The following PARD3 variants were observed in gnomAD, a reference collection of about 807,000 sequenced individuals.
The protein encoded by PARD3 is partitioning defective 3 homolog.
In PARD3, 75 loss-of-function variants were observed where a neutral mutation model predicts 155.4. That is an observed-to-expected ratio of 0.48 (90% confidence interval 0.40 to 0.58). The LOEUF (loss-of-function observed/expected upper bound fraction) is 0.58, where lower values mean the gene tolerates loss of function less well. Among genes scored for constraint, PARD3 ranks in the 20% least tolerant of loss-of-function variants. The probability of loss-of-function intolerance (pLI) is 0.00; values close to 1 mark genes in which losing one functional copy is unlikely to be tolerated. For synonymous variants in PARD3, 576 were observed against 610.5 expected, an observed-to-expected ratio of 0.94 and a Z score of 0.83; for missense variants, 1,642 against 1,721.7, an observed-to-expected ratio of 0.95 and a Z score of 0.82.
intron 22 of PARD3, among the ~76,000 whole-genome samples, chr10:34,241,818 C>T (rs1953615830): frequency 6.6e-6 from 1 of 152,136 alleles, no homozygotes; most frequent in Non-Finnish European, 1.5e-5. Flanking sequence ...AGCATTCTTA[C>T]CAGGTTCTAA....
intron 2 of PARD3, among the ~76,000 whole-genome samples, chr10:34,633,978 T>C (rs2092376276): frequency 6.6e-6 from 1 of 152,208 alleles, no homozygotes; most frequent in African/African-American, 2.4e-5. Context: ...CCCTATTCCA[T>C]ACTCAACTAC....
At chr10:34,564,680 ATGCAACATACAGATCCTTTATTG>A (rs1182658601) in intron 2 of PARD3, among the ~76,000 whole-genome samples, 1 of 152,240 alleles carries the variant, frequency 6.6e-6, no homozygotes, top group Non-Finnish European at 1.5e-5. Context: ...TTTTGTGATT[ATGCAACATACAGATCCTTTATTG>A]TTTAAATCTC....
At chr10:34,500,583 A>G (rs548802518) in intron 3 of PARD3, among the ~76,000 whole-genome samples, 4 of 152,226 alleles carry the variant, frequency 2.6e-5, no homozygotes, top group African/African-American at 9.6e-5. Flanking sequence ...CTCTACAAAA[A>G]TACAAAAATT....
At chr10:34,744,718 A>G (rs1305805848) in intron 1 of PARD3, among the ~76,000 whole-genome samples, 1 of 152,284 alleles carries the variant, frequency 6.6e-6, no homozygotes, top group Non-Finnish European at 1.5e-5. Context: ...AAATCTCAGT[A>G]GTCAAGAGAA....
rs1441109047 is a variant in PARD3, at chr10:34,369,636, C to G, written c.1707+2862G>C. On this transcript the variant is annotated intron_variant, in intron 12 of 24. Transcript: ENST00000374788. ...TGTATAAATCACATATAGTTCCTGA[C>G]AGAAGTAATATATCTCCTGCAGGAA... Among the ~76,000 whole-genome samples the G allele has an allele frequency of 2.0e-5, 3 of 152,084 alleles. No homozygotes were observed. In the East Asian group the frequency reaches 5.8e-4, roughly 29 times the overall value.
intron 2 of PARD3, among the ~76,000 whole-genome samples, chr10:34,585,625 G>A (rs562057975): frequency 5.3e-5 from 8 of 150,332 alleles, no homozygotes; most frequent in Admixed American, 3.3e-4. Context: ...TGTGGTGTGC[G>A]GGTGTCATTT....
chr10:34,477,871 T>C (rs2078815675), intron 3 of PARD3, among the ~76,000 whole-genome samples: 2 of 152,198 alleles, frequency 1.3e-5, no homozygotes, highest in South Asian at 2.1e-4. Context: ...GAAAACTGTC[T>C]CTCTCCCATC....
intron 22 of PARD3, among the ~76,000 whole-genome samples, chr10:34,214,341 T>G (rs1951898404): frequency 6.6e-6 from 1 of 152,242 alleles, no homozygotes; most frequent in African/African-American, 2.4e-5. Context: ...AGTCTGGCTA[T>G]ACATGTGATT....
intron 2 of PARD3, among the ~76,000 whole-genome samples, chr10:34,612,047 C>T (rs1043326298): frequency 6.6e-6 from 1 of 151,060 alleles, no homozygotes; most frequent in Admixed American, 6.6e-5. Flanking sequence ...AGGATGGTCT[C>T]GATCCCCTCA....
chr10:34,561,391 C>T (rs928874881), intron 2 of PARD3, among the ~76,000 whole-genome samples: 3 of 152,196 alleles, frequency 2.0e-5, no homozygotes, highest in African/African-American at 7.2e-5. Flanking sequence ...TTTGTCAGTT[C>T]CAGTTTCCAT....
intron 1 of PARD3, among the ~76,000 whole-genome samples, chr10:34,786,422 T>C (rs1840970848): frequency 6.6e-6 from 1 of 152,160 alleles, no homozygotes; most frequent in Admixed American, 6.5e-5. Flanking sequence ...TATATCCCAC[T>C]AGATGTTAAA....
intron 20 of PARD3, among the ~76,000 whole-genome samples, chr10:34,289,873 G>C (rs186932016): frequency 5.3e-5 from 8 of 152,252 alleles, no homozygotes; most frequent in South Asian, 2.1e-4. Flanking sequence ...AACAATGATG[G>C]ACAAAACCTG....
At chr10:34,209,399 CA>C (rs1274806102) in intron 22 of PARD3, among the ~76,000 whole-genome samples, 7 of 152,162 alleles carry the variant, frequency 4.6e-5, no homozygotes, top group African/African-American at 1.2e-4. Flanking sequence ...GAGATGTCAT[CA>C]GGGGCAGTAA....
intron 2 of PARD3, among the ~76,000 whole-genome samples, chr10:34,667,104 G>T (rs1159980845): frequency 1.3e-5 from 2 of 152,156 alleles, no homozygotes; most frequent in East Asian, 3.9e-4. Flanking sequence ...GGAGGCGGAG[G>T]TTGCAGTGAG....
chr10:34,354,310 G>A (rs951330153), intron 14 of PARD3, among the ~76,000 whole-genome samples: 1 of 151,696 alleles, frequency 6.6e-6, no homozygotes, highest in African/African-American at 2.4e-5. Context: ...CCCGGGAGGC[G>A]GAGCTTGCAG....
intron 22 of PARD3, among the ~76,000 whole-genome samples, chr10:34,248,999 T>C (rs1954130652): frequency 1.3e-5 from 2 of 152,232 alleles, no homozygotes; most frequent in African/African-American, 4.8e-5. Flanking sequence ...TCTCCATCAG[T>C]AGATATTTAT....
chr10:34,297,123 T>G (rs899120124), intron 20 of PARD3, among the ~76,000 whole-genome samples: 3 of 152,080 alleles, frequency 2.0e-5, no homozygotes, highest in Non-Finnish European at 4.4e-5. Context: ...GACAACACAG[T>G]GAGACCACGT....
intron 15 of PARD3, chr10:34,345,441 A>G (rs572905057): frequency 1.0e-6 from 1 of 985,212 alleles, no homozygotes; most frequent in Non-Finnish European, 1.2e-6. Flanking sequence ...ATTTCAATAC[A>G]AAGTTCCTTT....
At chr10:34,426,604 G>A (rs1010567208) in intron 5 of PARD3, 19 of 152,262 alleles carry the variant, frequency 1.2e-4, no homozygotes, top group African/African-American at 4.3e-4. Context: ...CTAAATAATA[G>A]TACCATATCG....
Sources: gnomAD v4.1 joint callset for allele counts (sites outside exome capture counted in the v4.1 genomes callset) on GRCh38, gnomAD v4.1.1 for gene constraint, MANE v1.5 for transcripts, NCBI Gene and HGNC (gene_info 2026-07-23, HGNC 2026-07-21) for gene names.